The following PARP11 variants were observed in gnomAD, a reference collection of about 807,000 sequenced individuals.
The protein encoded by PARP11 is poly(ADP-ribose) polymerase family member 11.
Under a neutral mutation model 42.9 loss-of-function variants are expected in PARP11, and 31 were observed. The observed-to-expected ratio is 0.72, with a 90% CI of 0.54 to 0.98. The LOEUF (loss-of-function observed/expected upper bound fraction) is 0.98. Among genes scored for constraint, PARP11 ranks in the 50% least tolerant of loss-of-function variants. PARP11 has a pLI of 0.00. For synonymous variants in PARP11, 137 were observed against 127.3 expected (o/e 1.08, Z -0.51); for missense variants, 365 against 413.1 (o/e 0.88, Z 1.01).
In PARP11 at chr12:3,861,927, A is replaced by T. The variant is rs2138117710; in HGVS notation, c.18+11285T>A. Among the ~76,000 whole-genome samples the T allele has an allele frequency of 6.6e-6, 1 of 152,216 alleles. No individual in the cohort carries two copies. The highest frequency in any genetic ancestry group is 2.1e-4 in the South Asian group (1 of 4,820). On this transcript the variant is annotated intron_variant, in intron 1 of 7. Transcript: ENST00000228820. This position sits in a 1 kb window ranked among gnomAD's most constrained non-coding sequence, Gnocchi z 4.6. Reference sequence around the variant, plus strand: ...ATAGTCCCAGCTACTCGGGAGGCTGAGACAGGAGAATGGCGTGAACCCAGG... The same window carrying T: ...ATAGTCCCAGCTACTCGGGAGGCTGTGACAGGAGAATGGCGTGAACCCAGG...
At chr12:3,844,420 A>T (rs1382398739) in intron 1 of PARP11, among the ~76,000 whole-genome samples, 1 of 152,202 alleles carries the variant, frequency 6.6e-6, no homozygotes, top group Admixed American at 6.5e-5. Flanking sequence ...CTCCACTTTC[A>T]GCTTATGCTT....
intron 1 of PARP11, among the ~76,000 whole-genome samples, chr12:3,849,725 C>A (rs1411521806): frequency 6.6e-6 from 1 of 151,922 alleles, no homozygotes; most frequent in African/African-American, 2.4e-5. Context: ...AGAAATAAGA[C>A]CTAGAAGTGA....
intron 6 of PARP11, among the ~76,000 whole-genome samples, chr12:3,820,120 A>G (rs1947363377): frequency 6.6e-6 from 1 of 152,088 alleles, no homozygotes; most frequent in Non-Finnish European, 1.5e-5. Flanking sequence ...CTGTGTTACA[A>G]TGGTCTGGCT....
chr12:3,825,397 T>A (rs1034925911), intron 4 of PARP11, among the ~76,000 whole-genome samples: 1 of 152,190 alleles, frequency 6.6e-6, no homozygotes, highest in Non-Finnish European at 1.5e-5. Context: ...TCCCTTAGTC[T>A]CTACAAATTT....
chr12:3,855,526 T>A (rs529994873), intron 1 of PARP11, among the ~76,000 whole-genome samples: 1 of 152,180 alleles, frequency 6.6e-6, no homozygotes, highest in Non-Finnish European at 1.5e-5. Flanking sequence ...CCATTCACAA[T>A]TGCTACAAAG....
At chr12:3,857,259 T>C (rs1404044690) in intron 1 of PARP11, among the ~76,000 whole-genome samples, 2 of 152,018 alleles carry the variant, frequency 1.3e-5, no homozygotes, top group African/African-American at 4.8e-5. Flanking sequence ...ACATGTACCC[T>C]GGAACTTAAA....
At chr12:3,847,367 CAAAG>C (rs774993484) in intron 1 of PARP11, among the ~76,000 whole-genome samples, 4 of 152,146 alleles carry the variant, frequency 2.6e-5, no homozygotes, top group East Asian at 1.9e-4. Flanking sequence ...ACACAACAAA[CAAAG>C]AAAACCATAG....
At chr12:3,866,787 A>G (rs1413992774) in intron 1 of PARP11, among the ~76,000 whole-genome samples, 1 of 152,230 alleles carries the variant, frequency 6.6e-6, no homozygotes, top group Non-Finnish European at 1.5e-5. Flanking sequence ...TAGTCAATTC[A>G]AATTTAATGC....
At chr12:3,834,561 G>A (rs1445615978) in intron 1 of PARP11, among the ~76,000 whole-genome samples, 1 of 149,384 alleles carries the variant, frequency 6.7e-6, no homozygotes, top group East Asian at 2.0e-4. Context: ...TTGAACCCAG[G>A]AGGCAAAGGT....
chr12:3,849,382 T>C (rs915545075), intron 1 of PARP11, among the ~76,000 whole-genome samples: 5 of 152,140 alleles, frequency 3.3e-5, no homozygotes, highest in African/African-American at 1.2e-4. Context: ...TGATACATAA[T>C]AGCCAAGATA....
intron 6 of PARP11, among the ~76,000 whole-genome samples, chr12:3,821,488 AAC>A (rs1947390696): frequency 1.3e-5 from 2 of 152,338 alleles, no homozygotes; most frequent in South Asian, 4.1e-4. Context: ...TTTAAAATAA[AAC>A]AGACAAAAGA....
chr12:3,817,321 T>C (rs1255594328), intron 6 of PARP11, among the ~76,000 whole-genome samples: 3 of 152,118 alleles, frequency 2.0e-5, no homozygotes, highest in African/African-American at 7.2e-5. Flanking sequence ...AGTATGGGCA[T>C]AGGCAGGCAT....
chr12:3,841,334 T>G, intron 1 of PARP11: 1 of 1,225,452 alleles, frequency 8.2e-7, no homozygotes, highest in Non-Finnish European at 1.2e-6. Context: ...CATTCTTACC[T>G]GTACCCTCTG....
At chr12:3,872,426 A>G (rs1378976338) in intron 1 of PARP11, 5 of 693,774 alleles carry the variant, frequency 7.2e-6, no homozygotes, top group African/African-American at 1.9e-5. Context: ...AAGGTACTAA[A>G]GTTTTCGGCC....
intron 1 of PARP11, among the ~76,000 whole-genome samples, chr12:3,834,634 CA>C (rs567817866): frequency 0.057 from 3,955 of 69,310 alleles, 142 homozygotes; most frequent in East Asian, 0.22. Flanking sequence ...CACTCCATCT[CA>C]AAAAAAAAAA....
intron 1 of PARP11, among the ~76,000 whole-genome samples, chr12:3,870,720 T>C (rs1427799982): frequency 6.6e-6 from 1 of 152,206 alleles, no homozygotes; most frequent in African/African-American, 2.4e-5. Flanking sequence ...ACCCCTGTCC[T>C]TGTGGATCTT....
At chr12:3,871,316 TCA>T (rs1351256842) in intron 1 of PARP11, among the ~76,000 whole-genome samples, 1 of 152,236 alleles carries the variant, frequency 6.6e-6, no homozygotes, top group Non-Finnish European at 1.5e-5. Context: ...ATAAAAGCTT[TCA>T]GTCAACCATG....
At position 3,822,106 on chromosome 12, in the gene PARP11, C is replaced by T. The variant is rs1591762831; in HGVS notation, c.396G>A (p.Val132=). 1.2e-6 allele frequency: 2 copies of T among 1,613,952 alleles called. No homozygotes were observed. Among genetic ancestry groups the T allele is most frequent in the Non-Finnish European group, 8.5e-7 (1 of 1,179,894 alleles). ...AIPMPPHWEN[V]NTQVPYQLIP... is the part of the protein sequence containing the mutation. Reference sequence around the variant, plus strand: ...TTACCTGATATGGTACTTGAGTATTCACATTCTCCCAGTGTGGTGGCATAG... The same window carrying T: ...TTACCTGATATGGTACTTGAGTATTTACATTCTCCCAGTGTGGTGGCATAG... The change falls in exon 5 of 8, where the codon GTG becomes GTA. Residue 132 remains valine, a synonymous_variant. Coordinates refer to ENST00000228820, the MANE Select transcript of PARP11 (RefSeq NM_020367.6).
intron 1 of PARP11, chr12:3,841,527 T>G: frequency 2.5e-6 from 4 of 1,592,272 alleles, no homozygotes; most frequent in Non-Finnish European, 3.4e-6. Context: ...AGCCAGTGAT[T>G]GGACCGCCGA....
Sources: gnomAD v4.1 joint callset for allele counts (sites outside exome capture counted in the v4.1 genomes callset) on GRCh38, gnomAD v4.1.1 for gene constraint, Gnocchi (gnomAD v3.1) non-coding constraint, MANE v1.5 for transcripts, NCBI Gene and HGNC (gene_info 2026-07-23, HGNC 2026-07-21) for gene names.